Variants in FAM114A1 observed in about 807,000 individuals in gnomAD.
FAM114A1 encodes family with sequence similarity 114 member A1.
Under a neutral mutation model 64.3 loss-of-function variants are expected in FAM114A1, and 62 were observed. The observed-to-expected ratio is 0.96, with a 90% confidence interval of 0.79 to 1.19. The LOEUF (loss-of-function observed/expected upper bound fraction) is 1.19, where lower values mean the gene tolerates loss of function less well. FAM114A1 is among the 50% of genes most tolerant of loss of function. The probability of loss-of-function intolerance (pLI) is 0.00; values close to 1 mark genes in which losing one functional copy is unlikely to be tolerated. For synonymous variants in FAM114A1, 254 were observed against 251.1 expected (o/e 1.01, Z -0.11); for missense variants, 645 against 676.3 (o/e 0.95, Z 0.51).
In FAM114A1 at chr4:38,940,950, A is replaced by T; in HGVS notation, c.1537-18A>T. On this transcript the variant is annotated intron_variant, in intron 13 of 14. Transcript: ENST00000358869. ...TATGAGCACCTAATCTGTCAATTTC[A>T]TACTTCTGATTCCACAGAGCAACAA... The T allele has an allele frequency of 1.2e-6, 2 of 1,613,954 alleles. No homozygotes were observed. The highest frequency in any genetic ancestry group is 1.7e-6 in the Non-Finnish European group (2 of 1,179,840).
chr4:38,896,937 G>T (rs1446377345), intron 4 of FAM114A1, among the ~76,000 whole-genome samples: 2 of 152,060 alleles, frequency 1.3e-5, no homozygotes, highest in East Asian at 3.8e-4. Context: ...TGCAGACAGG[G>T]GTGCAAAACA....
chr4:38,908,645 A>G lies in FAM114A1; in HGVS notation c.711A>G (p.Lys237=). 1.9e-6 allele frequency: 3 copies of G among 1,613,530 alleles called. No homozygotes were observed. Among genetic ancestry groups the G allele is most frequent in the Admixed American group, 1.7e-5 (1 of 60,028 alleles). ...ATGCGTTGGAATTCATCGGCAAGAA[A>G]ACCATGAATGTCCTTGCAGAAAGTG... The part of the protein sequence containing the change: ...GLDALEFIGK[K]TMNVLAESDP... The change falls in exon 7 of 15, where the codon AAA becomes AAG. Residue 237 remains lysine, a synonymous_variant. Coordinates refer to ENST00000358869, the MANE Select transcript of FAM114A1 (RefSeq NM_138389.4).
At chr4:38,933,604 A>G (rs1252808819) in intron 12 of FAM114A1, among the ~76,000 whole-genome samples, 1 of 152,250 alleles carries the variant, frequency 6.6e-6, no homozygotes, top group Non-Finnish European at 1.5e-5. Context: ...ATATATGAAT[A>G]TGCAATCTAG....
chr4:38,935,390 C>G lies in FAM114A1; in HGVS notation c.1464-328C>G, dbSNP rs558097494. 2.6e-5 allele frequency among the ~76,000 whole-genome samples: 4 copies of G among 152,202 alleles called. No individual in the cohort carries two copies. The South Asian group carries it at 8.3e-4, about 32-fold the overall frequency. ...GACCAAAAAGCTGGAAACCAGCCGT[C>G]TGGCCAGAGTGTATAAGCTCTACAC... On this transcript the variant is annotated intron_variant, in intron 12 of 14. Coordinates refer to ENST00000358869, the MANE Select transcript of FAM114A1 (RefSeq NM_138389.4).
At chr4:38,877,968 A>G (rs556556929) in intron 2 of FAM114A1, 103 bp from the exon 3 acceptor site, 12 of 1,029,734 alleles carry the variant, frequency 1.2e-5, no homozygotes, top group South Asian at 3.4e-5. Context: ...CCGTCTCAAA[A>G]AAAAAAAAAA....
Position 38,913,063 on chromosome 4 carries a change from T to C in FAM114A1, c.793-1858T>C, listed in dbSNP as rs999126873. On this transcript the variant is annotated intron_variant, in intron 7 of 14. Transcript: ENST00000358869. Reference sequence around the variant, plus strand: ...AGAAGGAAATAAGGCTGATTGTTTTTCTGGCACACAATAAAAACCAAAGTC... The same window carrying C: ...AGAAGGAAATAAGGCTGATTGTTTTCCTGGCACACAATAAAAACCAAAGTC... Among the ~76,000 whole-genome samples, 8 of 152,228 alleles carry C rather than the reference T, an allele frequency of 5.3e-5. No individual in the cohort carries two copies. In the East Asian group the frequency reaches 1.5e-3, roughly 29 times the overall value.
chr4:38,872,018 G>A (rs139594417), intron 2 of FAM114A1, among the ~76,000 whole-genome samples: 84 of 152,338 alleles, frequency 5.5e-4, no homozygotes, highest in African/African-American at 2.0e-3. Context: ...TATAGAAGCA[G>A]AGAAGGCACC....
chr4:38,882,125 A>T (rs1715331703), intron 3 of FAM114A1, among the ~76,000 whole-genome samples: 1 of 150,096 alleles, frequency 6.7e-6, no homozygotes, highest in African/African-American at 2.5e-5. Flanking sequence ...ATCCTGGCTA[A>T]CAAGGTGAAA....
At position 38,923,300 on chromosome 4, in the gene FAM114A1, T is replaced by C. The variant is rs1246456665; in HGVS notation, c.1069+407T>C. 2.7e-5 allele frequency among the ~76,000 whole-genome samples: 4 copies of C among 149,542 alleles called. No homozygotes were observed. In the East Asian group the frequency reaches 7.9e-4, roughly 30 times the overall value. On this transcript the variant is annotated intron_variant, in intron 9 of 14. Transcript: ENST00000358869. ...GTGCAGTGGCGTGATATCGGCTCAC[T>C]GCAACCTCCACCTCCCGGGTTCAAG...
chr4:38,917,470 T>C (rs1719179939), intron 8 of FAM114A1, among the ~76,000 whole-genome samples: 1 of 152,202 alleles, frequency 6.6e-6, no homozygotes. Context: ...CCTCACAGAA[T>C]TATTAACAGA....
intron 4 of FAM114A1, among the ~76,000 whole-genome samples, chr4:38,902,953 T>C (rs2109662948): frequency 6.6e-6 from 1 of 152,268 alleles, no homozygotes; most frequent in East Asian, 1.9e-4. Flanking sequence ...TGGCACAGTG[T>C]CTAAAATCTT....
At chr4:38,891,988 C>T (rs1375931667) in intron 4 of FAM114A1, among the ~76,000 whole-genome samples, 158 bp downstream of exon 4, 1 of 152,216 alleles carries the variant, frequency 6.6e-6, no homozygotes, top group East Asian at 1.9e-4. Flanking sequence ...TCCTCCAATA[C>T]ATTTGTTCCT....
Position 38,909,051 on chromosome 4 carries a change from CAT to C in FAM114A1, c.792+328_792+329del, listed in dbSNP as rs542709886. On this transcript the variant is annotated intron_variant, in intron 7 of 14. Transcript: ENST00000358869. ...GGATAGACATGCACATAAATACACA[CAT>C]ATTTTTTCAACCCAGTGGTAACATA... 1.4e-4 allele frequency among the ~76,000 whole-genome samples: 22 copies of C among 152,278 alleles called. No individual in the cohort carries two copies. In the East Asian group the frequency reaches 4.1e-3, roughly 28 times the overall value.
At chr4:38,914,424 G>A (rs546241189) in intron 7 of FAM114A1, among the ~76,000 whole-genome samples, 2 of 152,048 alleles carry the variant, frequency 1.3e-5, no homozygotes, top group Admixed American at 6.6e-5. Context: ...AAATTAGCTG[G>A]GCATGGTGGC....
chr4:38,931,612 G>A lies in FAM114A1; in HGVS notation c.1323G>A (p.Glu441=), dbSNP rs1720648082. Residue 441 remains glutamate, a splice_region_variant and synonymous_variant, in exon 11 of 15, where the codon GAG becomes GAA. Transcript: ENST00000358869. Reference sequence around the variant, plus strand: ...AGGAAAAGAAAACTAAGACCATAGAGGTAAATTCATTCTAGATTGTCTGCC... The same window carrying A: ...AGGAAAAGAAAACTAAGACCATAGAAGTAAATTCATTCTAGATTGTCTGCC... The part of the protein sequence containing the change: ...KKEEKKTKTI[E]EVYMSSIESL... 1 of 1,610,262 alleles carries A rather than the reference G, an allele frequency of 6.2e-7. No homozygotes were observed. Among genetic ancestry groups the A allele is most frequent in the Non-Finnish European group, 8.5e-7 (1 of 1,178,668 alleles).
chr4:38,917,149 CAAATAAATAAAT>C (rs55953630), intron 8 of FAM114A1, among the ~76,000 whole-genome samples: 56 of 143,136 alleles, frequency 3.9e-4, no homozygotes, highest in Middle Eastern at 3.5e-3. Flanking sequence ...ACTAAAAATA[CAAATAAATAAAT>C]AAATAAATAA....
chr4:38,901,712 CAAG>C (rs1371089037), intron 4 of FAM114A1, among the ~76,000 whole-genome samples: 2 of 152,146 alleles, frequency 1.3e-5, no homozygotes, highest in Non-Finnish European at 2.9e-5. Context: ...GTGGAATTCA[CAAG>C]AAGAGAGCTT....
rs193178178 is a variant in FAM114A1, at chr4:38,921,532, G to A, written c.946-1238G>A. On this transcript the variant is annotated intron_variant, in intron 8 of 14. Transcript: ENST00000358869. ...CCGCCTCAGCCTCCCAAAATGCTGG[G>A]ATTACAGGGGTGAACCACCATGCCT... Among the ~76,000 whole-genome samples the A allele has an allele frequency of 6.0e-4, 92 of 152,336 alleles. No homozygotes were observed. The Middle Eastern group carries it at 0.037, about 62-fold the overall frequency.
chr4:38,937,317 T>G (rs1721194352), intron 13 of FAM114A1, among the ~76,000 whole-genome samples: 2 of 152,216 alleles, frequency 1.3e-5, no homozygotes, highest in South Asian at 4.1e-4. Flanking sequence ...CTTTCTTGCT[T>G]CTTCCAGCTT....
Sources: allele counts gnomAD v4.1 joint callset (sites outside exome capture counted in the v4.1 genomes callset), GRCh38; gene constraint gnomAD v4.1.1; transcripts MANE v1.5; gene names NCBI Gene and HGNC (gene_info 2026-07-23, HGNC 2026-07-21).